PELI2: variants seen among roughly 807,000 people sequenced by gnomAD.
PELI2 encodes the protein pellino E3 ubiquitin protein ligase family member 2.
In PELI2, 23 loss-of-function variants were observed where a neutral mutation model predicts 42.3. The observed-to-expected ratio is 0.54, with a 90% CI of 0.39 to 0.77. The LOEUF (loss-of-function observed/expected upper bound fraction) is 0.77. Among genes scored for constraint, PELI2 ranks in the 30% least tolerant of loss-of-function variants. The pLI is 0.00. For synonymous variants in PELI2, 245 were observed against 212.2 expected (o/e 1.15, Z -1.34); for missense variants, 463 against 553.2 (o/e 0.84, Z 1.64).
At chr14:56,132,699 A>G (rs1883535722) in intron 1 of PELI2, among the ~76,000 whole-genome samples, 1 of 152,224 alleles carries the variant, frequency 6.6e-6, no homozygotes, top group Non-Finnish European at 1.5e-5. Flanking sequence ...TAGCCCTTTC[A>G]GCTCAGTTTA....
intron 1 of PELI2, among the ~76,000 whole-genome samples, chr14:56,144,560 G>A (rs941958111): frequency 6.6e-6 from 1 of 152,182 alleles, no homozygotes; most frequent in African/African-American, 2.4e-5. Flanking sequence ...ATGCAGATTA[G>A]TGTTCGAATA....
intron 2 of PELI2, among the ~76,000 whole-genome samples, chr14:56,204,434 T>A (rs1004248245): frequency 6.6e-6 from 1 of 152,110 alleles, no homozygotes; most frequent in African/African-American, 2.4e-5. Flanking sequence ...GCTTCTGACT[T>A]GAAGAAATGG....
At chr14:56,120,444 C>T (rs1249199075) in intron 1 of PELI2, among the ~76,000 whole-genome samples, 3 of 152,176 alleles carry the variant, frequency 2.0e-5, no homozygotes, top group Non-Finnish European at 2.9e-5. Context: ...TCCGAAGCCA[C>T]GGAAAGGATT....
intron 3 of PELI2, among the ~76,000 whole-genome samples, chr14:56,281,750 A>G (rs1443569766): frequency 6.6e-6 from 1 of 152,130 alleles, no homozygotes; most frequent in Non-Finnish European, 1.5e-5. Flanking sequence ...AAATGAGCAG[A>G]GGATTTGACA....
chr14:56,275,493 C>T (rs1398712781), intron 2 of PELI2, among the ~76,000 whole-genome samples: 1 of 152,148 alleles, frequency 6.6e-6, no homozygotes, highest in Non-Finnish European at 1.5e-5. Context: ...CAGACAGTCC[C>T]ATCTGGGGAT....
At chr14:56,169,254 C>T (rs1378209207) in intron 1 of PELI2, among the ~76,000 whole-genome samples, 2 of 152,164 alleles carry the variant, frequency 1.3e-5, no homozygotes, top group Admixed American at 6.5e-5. Flanking sequence ...GGGCCTAGCT[C>T]ATCACTAGGA....
At chr14:56,268,238 C>G (rs960107649) in intron 2 of PELI2, among the ~76,000 whole-genome samples, 3 of 152,170 alleles carry the variant, frequency 2.0e-5, no homozygotes, top group African/African-American at 7.2e-5. Flanking sequence ...CTTAGTCATT[C>G]GCAGGATGCT....
At chr14:56,205,879 C>T (rs1281748775) in intron 2 of PELI2, among the ~76,000 whole-genome samples, 1 of 152,126 alleles carries the variant, frequency 6.6e-6, no homozygotes, top group African/African-American at 2.4e-5. Flanking sequence ...CTAAATACAG[C>T]TGAAATAAAA....
intron 1 of PELI2, among the ~76,000 whole-genome samples, chr14:56,126,818 G>C (rs1340272444): frequency 6.6e-6 from 1 of 152,172 alleles, no homozygotes; most frequent in Non-Finnish European, 1.5e-5. Context: ...TTTCACACCA[G>C]ATCCCAGAAA....
intron 2 of PELI2, among the ~76,000 whole-genome samples, chr14:56,247,225 A>T (rs182393653): frequency 9.9e-4 from 151 of 152,358 alleles, no homozygotes; most frequent in African/African-American, 3.5e-3. Flanking sequence ...GAATGGGAAC[A>T]GTCTCTGTAT....
intron 2 of PELI2, among the ~76,000 whole-genome samples, chr14:56,235,142 A>G (rs1254802716): frequency 6.6e-6 from 1 of 152,120 alleles, no homozygotes; most frequent in Non-Finnish European, 1.5e-5. Context: ...TGTGTTTTTC[A>G]TAATTACTTT....
At chr14:56,258,288 C>T (rs532554113) in intron 2 of PELI2, among the ~76,000 whole-genome samples, 4 of 151,762 alleles carry the variant, frequency 2.6e-5, no homozygotes, top group African/African-American at 7.3e-5. Context: ...AATCAAGAAC[C>T]GCCCCCCCAC....
intron 2 of PELI2, among the ~76,000 whole-genome samples, chr14:56,232,697 A>G (rs1887632693): frequency 6.7e-6 from 1 of 149,094 alleles, no homozygotes; most frequent in African/African-American, 2.4e-5. Flanking sequence ...GAAAACTGGC[A>G]CAAGACAGGG....
intron 2 of PELI2, among the ~76,000 whole-genome samples, chr14:56,192,473 C>CTA (rs1361480263): frequency 6.6e-6 from 1 of 152,170 alleles, no homozygotes; most frequent in Non-Finnish European, 1.5e-5. Context: ...TTAGCAGCAT[C>CTA]TATGGCCTTT....
intron 1 of PELI2, among the ~76,000 whole-genome samples, chr14:56,130,208 T>A (rs1168209834): frequency 6.6e-6 from 1 of 152,194 alleles, no homozygotes; most frequent in East Asian, 1.9e-4. Context: ...GAGTGCTGAT[T>A]CTTAGCTGGG....
In PELI2 at chr14:56,296,746, G is replaced by A. The variant is rs139388844; in HGVS notation, c.843G>A (p.Arg281=). 3.1e-4 allele frequency: 498 copies of A among 1,614,078 alleles called. No homozygotes were observed. The African/African-American group carries it at 6.1e-3, about 20-fold the overall frequency. ...TCCGGCAGGAGATTAACGCCGCCCG[G>A]CCTCAGTGTCCTGTGGGGCTCAACA... The part of the protein sequence containing the change: ...EALRQEINAA[R]PQCPVGLNTL... The change falls in exon 6 of 6, where the codon CGG becomes CGA. Residue 281 remains arginine (R), a synonymous_variant. Transcript: ENST00000267460.
At chr14:56,218,366 T>C (rs1197336951) in intron 2 of PELI2, among the ~76,000 whole-genome samples, 2 of 152,256 alleles carry the variant, frequency 1.3e-5, no homozygotes, top group African/African-American at 4.8e-5. Flanking sequence ...TCTTCTTATT[T>C]ATGCCTTATG....
At chr14:56,224,483 TG>T (rs1887268748) in intron 2 of PELI2, among the ~76,000 whole-genome samples, 1 of 152,230 alleles carries the variant, frequency 6.6e-6, no homozygotes, top group Non-Finnish European at 1.5e-5. Context: ...GAAACTTAGC[TG>T]GTAAAATTGT....
intron 2 of PELI2, among the ~76,000 whole-genome samples, chr14:56,254,268 G>A (rs531664547): frequency 1.3e-5 from 2 of 152,166 alleles, no homozygotes; most frequent in African/African-American, 2.4e-5. Context: ...GCATGGTGGT[G>A]CACACCTGTA....
Sources: gnomAD v4.1 joint callset for allele counts (sites outside exome capture counted in the v4.1 genomes callset) on GRCh38, gnomAD v4.1.1 for gene constraint, MANE v1.5 for transcripts, NCBI Gene and HGNC (gene_info 2026-07-23, HGNC 2026-07-21) for gene names.